Variants in SLU7 observed in about 807,000 individuals in gnomAD.
The protein encoded by SLU7 is pre-mRNA-splicing factor SLU7.
A neutral mutation model predicts 87.0 loss-of-function variants in SLU7; 60 were observed. The observed-to-expected ratio is 0.69, with a 90% CI of 0.56 to 0.86. The LOEUF is 0.86. SLU7 is among the 40% of genes least tolerant of loss of function. The pLI is 0.00. For missense variants in SLU7, 507 were observed against 686.6 expected, an observed-to-expected ratio of 0.74 and a Z score of 2.92; for synonymous variants, 197 against 222.0, an observed-to-expected ratio of 0.89 and a Z score of 1.00.
chr5:160,416,366 C>T (rs1293847610), intron 1 of SLU7, among the ~76,000 whole-genome samples: 2 of 152,202 alleles, frequency 1.3e-5, no homozygotes, highest in East Asian at 1.9e-4. Flanking sequence ...GGCTCTCCAA[C>T]TTATTTTTCT....
intron 5 of SLU7, among the ~76,000 whole-genome samples, chr5:160,413,187 T>G (rs1160831672): frequency 1.3e-5 from 2 of 152,184 alleles, no homozygotes; most frequent in Non-Finnish European, 2.9e-5. Context: ...CTAATCTGTC[T>G]TCATGCTTCC....
chr5:160,412,523 T>TAA lies in SLU7; in HGVS notation c.571-6_571-5dup, dbSNP rs57812151. ...GGGCTTTCAATGTTCGTTTTGCCTT[T>TAA]AAAAAAAAAAAAAAGAAAGAAAGAA... On this transcript the variant is annotated splice_polypyrimidine_tract_variant and splice_region_variant and intron_variant, in intron 5 of 15. Transcript: ENST00000297151. The TAA allele has an allele frequency of 5.7e-3, 4,771 of 831,296 alleles. 5 individuals are homozygous for TAA. The highest frequency in any genetic ancestry group is 7.2e-3 in the South Asian group (286 of 39,958). The allele number at this position is 831,296 out of a possible 1,614,324, so 51.5% of individuals were successfully genotyped here.
At chr5:160,410,897 C>T (rs1266109974) in intron 6 of SLU7, among the ~76,000 whole-genome samples, 2 of 147,572 alleles carry the variant, frequency 1.4e-5, no homozygotes, top group African/African-American at 2.5e-5. Flanking sequence ...GACGGAGTCT[C>T]ACTCTGTCGC....
chr5:160,405,267 T>G (rs2113102970), intron 12 of SLU7, 132 bp from the exon 13 acceptor site: 2 of 636,828 alleles, frequency 3.1e-6, no homozygotes, highest in East Asian at 5.5e-5. Context: ...GATTCAAGGC[T>G]GGCTAACAGG....
rs1226080486 is a variant in SLU7, at chr5:160,407,817, T to A, written c.918-4A>T. Reference sequence around the variant, plus strand: ...GTTATCTCCAGCATAACTCACTCTGTAAATACAAATAAAGAAAATGTTTCA... The same window carrying A: ...GTTATCTCCAGCATAACTCACTCTGAAAATACAAATAAAGAAAATGTTTCA... On this transcript the variant is annotated splice_polypyrimidine_tract_variant and splice_region_variant and intron_variant, in intron 9 of 15. Coordinates refer to ENST00000297151, the MANE Select transcript of SLU7 (RefSeq NM_006425.5). This position sits in a 1 kb window ranked among gnomAD's most constrained non-coding sequence, Gnocchi z 4.2. 1 of 1,600,124 alleles carries A rather than the reference T, an allele frequency of 6.2e-7. No individual in the cohort carries two copies. The highest frequency in any genetic ancestry group is 2.2e-5 in the East Asian group (1 of 44,808).
At position 160,408,646 on chromosome 5, in the gene SLU7, T is replaced by C. The variant is rs1251674124; in HGVS notation, c.687+4A>G. On this transcript the variant is annotated splice_donor_region_variant and intron_variant, in intron 7 of 15. Coordinates refer to ENST00000297151, the MANE Select transcript of SLU7 (RefSeq NM_006425.5). The stretch of plus-strand genomic sequence containing the variant: ...TATACTCAGAGACAGCAAATATGTA[T>C]TACCATCTGAGAATTTGGTTCCTCT... 2 of 1,552,832 alleles carry C rather than the reference T, an allele frequency of 1.3e-6. No homozygotes were observed. Among genetic ancestry groups the C allele is most frequent in the Admixed American group, 1.7e-5 (1 of 57,684 alleles).
At chr5:160,416,713 T>G (rs781083379) in intron 1 of SLU7, among the ~76,000 whole-genome samples, 22 of 152,270 alleles carry the variant, frequency 1.4e-4, no homozygotes, top group Non-Finnish European at 2.8e-4. Flanking sequence ...ACCACCCTAG[T>G]GTAAGTTATT....
At position 160,404,383 on chromosome 5, in the gene SLU7, C is replaced by CA. The variant is rs371868383; in HGVS notation, c.1581+56dup. 5.0e-4 allele frequency: 581 copies of CA among 1,155,432 alleles called. 1 individual carries two copies. In the African/African-American group the frequency reaches 8.0e-3, roughly 16 times the overall value. The allele number at this position is 1,155,432 out of a possible 1,614,324, so 71.6% of individuals were successfully genotyped here. ...CTGTCTCAAAAAAATAAAAACAACC[C>CA]AAAAAACAAAGAATACTGCTACTTG... is the stretch of plus-strand genomic sequence containing the variant. On this transcript the variant is annotated intron_variant, in intron 15 of 15. Transcript: ENST00000297151.
Position 160,415,242 on chromosome 5 carries a change from T to C in SLU7, c.53A>G (p.Lys18Arg), listed in dbSNP as rs141870471. 2.0e-5 allele frequency: 32 copies of C among 1,610,938 alleles called. No homozygotes were observed. The highest frequency in any genetic ancestry group is 2.5e-5 in the Non-Finnish European group (29 of 1,178,790). ...CTTTGGTTCTTCCAAACTCATTTCTTTGGACCCCGATAGGGGTGCAGCATT... is the reference window on the plus strand; with the variant it reads ...CTTTGGTTCTTCCAAACTCATTTCTCTGGACCCCGATAGGGGTGCAGCATT... ...AVNAAPLSGS[K>R]EMSLEEPKKM... The change falls in exon 2 of 16, where the codon AAA becomes AGA. Residue 18 changes from lysine to arginine, a missense_variant. By Grantham distance (26) the Lys-to-Arg change is conservative. This residue lies in a region of SLU7 where 33 missense variants were observed against 37.3 expected (regional missense o/e 0.88). Coordinates refer to ENST00000297151, the MANE Select transcript of SLU7 (RefSeq NM_006425.5).
chr5:160,416,875 G>C (rs1439989360), intron 1 of SLU7, among the ~76,000 whole-genome samples: 1 of 152,154 alleles, frequency 6.6e-6, no homozygotes, highest in Non-Finnish European at 1.5e-5. Flanking sequence ...TTGTACTCCT[G>C]TAATTCCCAA....
At chr5:160,410,052 G>A (rs1045438523) in intron 6 of SLU7, among the ~76,000 whole-genome samples, 1 of 152,014 alleles carries the variant, frequency 6.6e-6, no homozygotes, top group African/African-American at 2.4e-5. Flanking sequence ...CAGAAAACAC[G>A]TTCCCACTGT....
Position 160,403,038 on chromosome 5 carries a change from A to T in SLU7, c.*247T>A, listed in dbSNP as rs372808827. On this transcript the variant is annotated 3_prime_UTR_variant, in exon 16 of 16. Transcript: ENST00000297151. Reference sequence around the variant, plus strand: ...TCAAAAAAAAAAATAAATAAATAAAAAAAACTGGAAATAAAATCTTAATCC... The same window carrying T: ...TCAAAAAAAAAAATAAATAAATAAATAAAACTGGAAATAAAATCTTAATCC... The T allele has an allele frequency of 8.2e-5, 24 of 291,550 alleles. No homozygotes were observed. Among genetic ancestry groups the T allele is most frequent in the East Asian group, 1.2e-4 (2 of 17,210 alleles). 18.1% of individuals were successfully genotyped at this position (291,550 alleles called of 1,614,324 possible).
chr5:160,402,588 T>C lies in SLU7; in HGVS notation c.*697A>G, dbSNP rs1199961180. On this transcript the variant is annotated 3_prime_UTR_variant, in exon 16 of 16. Coordinates refer to ENST00000297151, the MANE Select transcript of SLU7 (RefSeq NM_006425.5). ...TTAAAAAAACAAAGCCCTGTTTTTT[T>C]CTCAAAACCAAGGTGTGCTAATACT... The C allele has an allele frequency of 2.0e-5, 3 of 152,254 alleles. No homozygotes were observed. Among genetic ancestry groups the C allele is most frequent in the East Asian group, 3.9e-4 (2 of 5,180 alleles). The allele number at this position is 152,254 out of a possible 1,614,324, so 9.4% of individuals were successfully genotyped here. A position where few individuals can be genotyped will look rare whatever the true frequency, so the allele number is the denominator to read the frequency against.
At chr5:160,406,348 A>AT (rs36082303) in intron 12 of SLU7, 120 bp downstream of exon 12, 185,112 of 610,578 alleles carry the variant, frequency 0.3, 10,079 homozygotes, top group Admixed American at 0.36. Flanking sequence ...AACAGTTAAA[A>AT]TTTTTTTTTT....
At chr5:160,416,868 T>C (rs981621373) in intron 1 of SLU7, among the ~76,000 whole-genome samples, 1 of 152,240 alleles carries the variant, frequency 6.6e-6, no homozygotes, top group Non-Finnish European at 1.5e-5. Flanking sequence ...TCTTGAATTG[T>C]ACTCCTGTAA....
intron 6 of SLU7, 39 bp downstream of exon 6, chr5:160,412,412 A>C: frequency 8.3e-7 from 1 of 1,203,488 alleles, no homozygotes; most frequent in South Asian, 1.3e-5. Flanking sequence ...TTTGTTTAAA[A>C]GAAATAAAAC....
At chr5:160,404,586 T>A in intron 14 of SLU7, 30 bp from the exon 15 acceptor site, 1 of 1,432,614 alleles carries the variant, frequency 7.0e-7, no homozygotes, top group Non-Finnish European at 9.8e-7. Context: ...TGCAGTGTTA[T>A]TAATGTGAAA....
At chr5:160,409,838 ATATTTG>A (rs1431256794) in intron 6 of SLU7, among the ~76,000 whole-genome samples, 3 of 152,130 alleles carry the variant, frequency 2.0e-5, no homozygotes, top group Non-Finnish European at 4.4e-5. Context: ...ATAAGGGTAT[ATATTTG>A]TATTTGTATT....
At chr5:160,417,829 T>A (rs1765520600) in intron 1 of SLU7, among the ~76,000 whole-genome samples, 2 of 151,630 alleles carry the variant, frequency 1.3e-5, no homozygotes, top group African/African-American at 4.8e-5. Context: ...CAAAGGATTT[T>A]ATCATTCGTA....
Sources: gnomAD v4.1 joint callset for allele counts (sites outside exome capture counted in the v4.1 genomes callset) on GRCh38, gnomAD v4.1.1 for gene constraint, gnomAD v4.1.1 regional missense constraint, Gnocchi (gnomAD v3.1) non-coding constraint, MANE v1.5 for transcripts, NCBI Gene and HGNC (gene_info 2026-07-23, HGNC 2026-07-21) for gene names.